The following EHMT1 variants were observed in gnomAD, a reference collection of about 807,000 sequenced individuals.
The protein encoded by EHMT1 is histone-lysine N-methyltransferase EHMT1.
A neutral mutation model predicts 147.2 loss-of-function variants in EHMT1; 15 were observed. The observed-to-expected ratio is 0.10, with a 90% CI of 0.07 to 0.16. The LOEUF (loss-of-function observed/expected upper bound fraction) is 0.16, where lower values mean the gene tolerates loss of function less well. EHMT1 is among the 10% of genes least tolerant of loss of function. The pLI, the probability that EHMT1 is intolerant of heterozygous loss-of-function variation, is 1.00. For synonymous variants in EHMT1, 795 were observed against 709.6 expected (o/e 1.12, Z -1.91); for missense variants, 1,587 against 1,772.4 (o/e 0.90, Z 1.88).
chr9:137,772,458 C>T (rs1426964805), intron 10 of EHMT1, among the ~76,000 whole-genome samples: 1 of 152,228 alleles, frequency 6.6e-6, no homozygotes, highest in African/African-American at 2.4e-5. Flanking sequence ...GGTGACCCCT[C>T]ACCTGCGCCA....
chr9:137,619,345 G>T (rs1178344206), intron 1 of EHMT1, among the ~76,000 whole-genome samples: 1 of 150,698 alleles, frequency 6.6e-6, no homozygotes, highest in Non-Finnish European at 1.5e-5. Context: ...CTGTGCCCGC[G>T]CCCCCCACGG....
At chr9:137,765,564 A>G (rs1588596777) in intron 10 of EHMT1, among the ~76,000 whole-genome samples, 1 of 152,186 alleles carries the variant, frequency 6.6e-6, no homozygotes, top group African/African-American at 2.4e-5. Flanking sequence ...CAAAACAAAC[A>G]TTGGGCTGAA....
chr9:137,712,020 A>C (rs1944780726), intron 2 of EHMT1, among the ~76,000 whole-genome samples: 1 of 151,978 alleles, frequency 6.6e-6, no homozygotes, highest in East Asian at 1.9e-4. Flanking sequence ...CACTGTGGTG[A>C]CCGCTGCCCG....
At chr9:137,629,671 G>GCATGAGC (rs1843495617) in intron 1 of EHMT1, among the ~76,000 whole-genome samples, 1 of 152,114 alleles carries the variant, frequency 6.6e-6, no homozygotes, top group Non-Finnish European at 1.5e-5. Context: ...GAGGTTACAG[G>GCATGAGC]CATGAGCCAT....
chr9:137,649,914 G>A (rs1186032729), intron 1 of EHMT1, among the ~76,000 whole-genome samples: 3 of 152,176 alleles, frequency 2.0e-5, no homozygotes, highest in African/African-American at 7.2e-5. Context: ...GGAGATTAAT[G>A]CTCTGGGCAA....
intron 16 of EHMT1, chr9:137,792,020 A>G (rs1408921694): frequency 2.2e-6 from 1 of 461,776 alleles, no homozygotes; most frequent in African/African-American, 2.0e-5. Flanking sequence ...AGCATGAGCC[A>G]CCATGCCCAG....
chr9:137,657,557 GTATT>G (rs1938598620), intron 1 of EHMT1, among the ~76,000 whole-genome samples: 3 of 151,106 alleles, frequency 2.0e-5, no homozygotes, highest in South Asian at 2.1e-4. Context: ...CATAGTAGGT[GTATT>G]TATTTATGGG....
intron 18 of EHMT1, chr9:137,802,494 A>G (rs1032833375): frequency 7.5e-6 from 3 of 398,544 alleles, no homozygotes; most frequent in African/African-American, 6.2e-5. Flanking sequence ...ACACAGAAAA[A>G]GAAGATTTCT....
At position 137,626,873 on chromosome 9, in the gene EHMT1, C is replaced by G. The variant is rs1250216085; in HGVS notation, c.21+7824C>G. 2.0e-5 allele frequency among the ~76,000 whole-genome samples: 3 copies of G among 151,472 alleles called. No individual in the cohort carries two copies. The East Asian group carries it at 5.8e-4, about 29-fold the overall frequency. ...TGATCTCTGCTCACTGTAATCTCTGCATCCTAGGTTCGAGCAATTCTGCCT... is the reference window on the plus strand; with the variant it reads ...TGATCTCTGCTCACTGTAATCTCTGGATCCTAGGTTCGAGCAATTCTGCCT... On this transcript the variant is annotated intron_variant, in intron 1 of 26. Transcript: ENST00000460843.
intron 16 of EHMT1, among the ~76,000 whole-genome samples, chr9:137,791,629 TAGAA>T: frequency 6.6e-6 from 1 of 152,264 alleles, no homozygotes; most frequent in African/African-American, 2.4e-5. Flanking sequence ...CCTGAATAAA[TAGAA>T]AGACATCCCA....
intron 1 of EHMT1, among the ~76,000 whole-genome samples, chr9:137,660,729 A>G (rs1012517935): frequency 2.0e-5 from 3 of 152,206 alleles, no homozygotes; most frequent in Non-Finnish European, 2.9e-5. Flanking sequence ...AAATATTTCT[A>G]TGAAATTTTA....
chr9:137,636,379 T>C (rs1253299406), intron 1 of EHMT1, among the ~76,000 whole-genome samples: 1 of 152,226 alleles, frequency 6.6e-6, no homozygotes, highest in Non-Finnish European at 1.5e-5. Context: ...AGTTCTTCCT[T>C]TTAAATCTGG....
In EHMT1 at chr9:137,779,678, G is replaced by A. The variant is rs970059219; in HGVS notation, c.2236G>A (p.Ala746Thr). The change falls in exon 14 of 27, where the codon GCC (alanine) becomes ACC (threonine). Residue 746 changes from alanine (A) to threonine (T), a missense_variant. Coordinates refer to ENST00000460843, the MANE Select transcript of EHMT1 (RefSeq NM_024757.5). Reference protein sequence around the residue: ...RFHPKQLYFSARQGELQKVLL... With the variant: ...RFHPKQLYFSTRQGELQKVLL... ...CCACCCAAAGCAGCTGTACTTCTCC[G>A]CCAGGCAAGGGGAGCTTCAGAAGGT... The A allele has an allele frequency of 3.1e-6, 5 of 1,613,722 alleles. No individual in the cohort carries two copies. Among genetic ancestry groups the A allele is most frequent in the African/African-American group, 2.7e-5 (2 of 74,942 alleles).
chr9:137,754,582 A>G (rs992711151), intron 8 of EHMT1, among the ~76,000 whole-genome samples: 1 of 151,826 alleles, frequency 6.6e-6, no homozygotes, highest in Non-Finnish European at 1.5e-5. Flanking sequence ...GCACGATCTC[A>G]GCTCACTGCA....
In EHMT1 at chr9:137,782,997, G is replaced by T. The variant is rs1951687841; in HGVS notation, c.2382+600G>T. On this transcript the variant is annotated intron_variant, in intron 15 of 26. Coordinates refer to ENST00000460843, the MANE Select transcript of EHMT1 (RefSeq NM_024757.5). This position sits in a 1 kb window ranked among gnomAD's most constrained non-coding sequence, Gnocchi z 5.7. Reference sequence around the variant, plus strand: ...TGGATCCCCTGTTTCTCAAGTGCCAGGTTTGAGTCTGGTGCAGTCTGACTT... The same window carrying T: ...TGGATCCCCTGTTTCTCAAGTGCCATGTTTGAGTCTGGTGCAGTCTGACTT... Among the ~76,000 whole-genome samples, 1 of 152,194 alleles carries T rather than the reference G, an allele frequency of 6.6e-6. No individual in the cohort carries two copies. Among genetic ancestry groups the T allele is most frequent in the African/African-American group, 2.4e-5 (1 of 41,436 alleles).
chr9:137,664,839 A>G (rs937895015), intron 1 of EHMT1: 2 of 152,154 alleles, frequency 1.3e-5, no homozygotes, highest in Admixed American at 6.6e-5. Flanking sequence ...TGTTTTCTAC[A>G]TTTGAACTTG....
At chr9:137,673,714 C>T (rs773283308) in intron 1 of EHMT1, among the ~76,000 whole-genome samples, 2 of 152,206 alleles carry the variant, frequency 1.3e-5, no homozygotes, top group Non-Finnish European at 2.9e-5. Flanking sequence ...TCAGTGTCTT[C>T]AAAACTTGTT....
chr9:137,808,750 G>A (rs1441477473), intron 18 of EHMT1, among the ~76,000 whole-genome samples: 4 of 151,936 alleles, frequency 2.6e-5, no homozygotes, highest in Admixed American at 1.3e-4. Flanking sequence ...GTGAAACCCC[G>A]ACTCTACTAA....
chr9:137,681,166 G>A (rs576169519), intron 1 of EHMT1, among the ~76,000 whole-genome samples: 156 of 152,276 alleles, frequency 1.0e-3, no homozygotes, highest in African/African-American at 3.2e-3. Flanking sequence ...CTTGAGAACT[G>A]CAAGCAAGAA....
Sources: gnomAD v4.1 joint callset for allele counts (sites outside exome capture counted in the v4.1 genomes callset) on GRCh38, gnomAD v4.1.1 for gene constraint, Gnocchi (gnomAD v3.1) non-coding constraint, MANE v1.5 for transcripts, NCBI Gene and HGNC (gene_info 2026-07-23, HGNC 2026-07-21) for gene names.